The following CDH12 variants were observed in gnomAD, a reference collection of about 807,000 sequenced individuals.
CDH12 encodes the protein cadherin 12.
A neutral mutation model predicts 74.1 loss-of-function variants in CDH12; 41 were observed. The ratio of observed to expected loss-of-function variants is 0.55; its 90% CI spans 0.43 to 0.72. The LOEUF (loss-of-function observed/expected upper bound fraction) is 0.72, where lower values mean the gene tolerates loss of function less well. CDH12 is among the 30% of genes least tolerant of loss of function. CDH12 has a pLI of 0.00. For synonymous variants in CDH12, 399 were observed against 355.0 expected (o/e 1.12, Z -1.39); for missense variants, 945 against 977.2 (o/e 0.97, Z 0.44).
chr5:22,772,164 A>G (rs1293027154), intron 1 of CDH12, among the ~76,000 whole-genome samples: 2 of 152,052 alleles, frequency 1.3e-5, no homozygotes, highest in South Asian at 2.1e-4. Flanking sequence ...GAGAAATTCA[A>G]TTTGAAGAAA....
At chr5:22,481,790 T>C (rs958759414) in intron 2 of CDH12, among the ~76,000 whole-genome samples, 3 of 152,084 alleles carry the variant, frequency 2.0e-5, no homozygotes, top group African/African-American at 4.8e-5. Flanking sequence ...ACAGTGCCTA[T>C]AATCAACCAT....
Position 22,796,559 on chromosome 5 carries a change from G to A in CDH12, c.-523+56499C>T, listed in dbSNP as rs1374683047. Among the ~76,000 whole-genome samples the A allele has an allele frequency of 1.9e-5, 2 of 104,484 alleles. 1 individual carries two copies. The highest frequency in any genetic ancestry group is 8.1e-5 in the African/African-American group (2 of 24,560). The allele number at this position is 104,484 out of a possible 152,430, so 68.5% of individuals were successfully genotyped here. On this transcript the variant is annotated intron_variant, in intron 1 of 14. Transcript: ENST00000382254. ...TTTTGAGACGGAGTCTCGCTCTGTC[G>A]CCCAGGCTGGAGTGCAGTGGCGGGA...
At chr5:22,482,518 A>G in intron 2 of CDH12, among the ~76,000 whole-genome samples, 1 of 152,200 alleles carries the variant, frequency 6.6e-6, no homozygotes. Flanking sequence ...AAAACTTATC[A>G]TGTATATAAC....
intron 2 of CDH12, among the ~76,000 whole-genome samples, chr5:22,440,394 A>G (rs920343137): frequency 6.6e-6 from 1 of 152,154 alleles, no homozygotes; most frequent in Non-Finnish European, 1.5e-5. Context: ...AGAATTAATA[A>G]TAATAGCCAT....
At position 22,338,005 on chromosome 5, in the gene CDH12, C is replaced by T. The variant is rs1739667410; in HGVS notation, c.-333+67252G>A. Among the ~76,000 whole-genome samples, 5 of 152,154 alleles carry T rather than the reference C, an allele frequency of 3.3e-5. No individual in the cohort carries two copies. In the South Asian group the frequency reaches 1.0e-3, roughly 31 times the overall value. ...GTTAGTACAACCACTCTGCAGAACT[C>T]TTTGGAGCTTGTCAAAAAAATAAAA... On this transcript the variant is annotated intron_variant, in intron 3 of 14. Coordinates refer to ENST00000382254, the MANE Select transcript of CDH12 (RefSeq NM_004061.5).
intron 1 of CDH12, among the ~76,000 whole-genome samples, chr5:22,736,450 T>C (rs938992979): frequency 3.3e-5 from 5 of 151,856 alleles, no homozygotes; most frequent in African/African-American, 1.2e-4. Flanking sequence ...TTTGCTTTTT[T>C]TAAGATTCAA....
intron 3 of CDH12, among the ~76,000 whole-genome samples, chr5:22,344,161 G>A (rs1042621089): frequency 3.3e-5 from 5 of 152,170 alleles, no homozygotes; most frequent in African/African-American, 9.7e-5. Flanking sequence ...TGTCATAGGC[G>A]AAAATTGGGC....
chr5:21,796,479 ATCTT>A (rs1746788293), intron 10 of CDH12, among the ~76,000 whole-genome samples: 2 of 150,414 alleles, frequency 1.3e-5, no homozygotes, highest in South Asian at 4.1e-4. Context: ...TGTAAGATGA[ATCTT>A]TATGAGTCGG....
At chr5:22,372,821 T>G (rs893555527) in intron 3 of CDH12, among the ~76,000 whole-genome samples, 4 of 152,160 alleles carry the variant, frequency 2.6e-5, no homozygotes, top group East Asian at 1.9e-4. Flanking sequence ...AAACTGATAC[T>G]TCTGCTGCTG....
At chr5:22,390,956 C>G (rs555931935) in intron 3 of CDH12, among the ~76,000 whole-genome samples, 43 of 152,270 alleles carry the variant, frequency 2.8e-4, no homozygotes, top group African/African-American at 1.0e-3. Context: ...ATGAGACAGA[C>G]TGGCATTAGA....
At chr5:22,780,562 A>G (rs1374138085) in intron 1 of CDH12, among the ~76,000 whole-genome samples, 1 of 152,114 alleles carries the variant, frequency 6.6e-6, no homozygotes, top group Admixed American at 6.6e-5. Flanking sequence ...TAAAACCATC[A>G]GATCTTGTGA....
chr5:22,011,129 A>T lies in CDH12; in HGVS notation c.232-35744T>A, dbSNP rs1205900450. Among the ~76,000 whole-genome samples the T allele has an allele frequency of 2.6e-5, 4 of 152,074 alleles. No individual in the cohort carries two copies. In the East Asian group the frequency reaches 7.7e-4, roughly 29 times the overall value. ...ACATACTGCCACTCAGTACAGATGG[A>T]GAGGTTAGTGAAAATAAGCAGCATT... On this transcript the variant is annotated intron_variant, in intron 5 of 14. Coordinates refer to ENST00000382254, the MANE Select transcript of CDH12 (RefSeq NM_004061.5).
At chr5:21,985,024 C>G (rs1757456585) in intron 5 of CDH12, among the ~76,000 whole-genome samples, 1 of 151,910 alleles carries the variant, frequency 6.6e-6, no homozygotes, top group South Asian at 2.1e-4. Context: ...ATTCAATACC[C>G]CCACTTCTCT....
At chr5:22,053,946 TTTGA>T (rs1740565356) in intron 5 of CDH12, among the ~76,000 whole-genome samples, 1 of 152,154 alleles carries the variant, frequency 6.6e-6, no homozygotes, top group African/African-American at 2.4e-5. Context: ...GAAAATTATC[TTTGA>T]TTATTTCCTG....
At chr5:22,205,369 A>C (rs555220100) in intron 4 of CDH12, among the ~76,000 whole-genome samples, 1 of 152,298 alleles carries the variant, frequency 6.6e-6, no homozygotes, top group Non-Finnish European at 1.5e-5. Context: ...AATCAAATAA[A>C]TTTAAAAGAA....
intron 1 of CDH12, among the ~76,000 whole-genome samples, chr5:22,689,812 T>C (rs269006): frequency 6.6e-6 from 1 of 151,856 alleles, no homozygotes; most frequent in Non-Finnish European, 1.5e-5. Flanking sequence ...TAGAAATACA[T>C]TGTGATCTTG....
At chr5:22,548,306 T>C (rs1013148123) in intron 1 of CDH12, among the ~76,000 whole-genome samples, 3 of 152,164 alleles carry the variant, frequency 2.0e-5, no homozygotes, top group African/African-American at 7.2e-5. Context: ...ATGAAATAAA[T>C]GAAAGTGGAG....
chr5:21,778,207 C>T (rs537644619), intron 11 of CDH12, among the ~76,000 whole-genome samples: 20 of 152,056 alleles, frequency 1.3e-4, no homozygotes, highest in African/African-American at 3.1e-4. Flanking sequence ...GGTGTTGGTC[C>T]GAGCCTGGTC....
At chr5:22,227,161 A>T (rs1752221801) in intron 3 of CDH12, among the ~76,000 whole-genome samples, 1 of 152,096 alleles carries the variant, frequency 6.6e-6, no homozygotes, top group Non-Finnish European at 1.5e-5. Context: ...ATTGCATGAC[A>T]CTGGATCACG....
Sources: allele counts gnomAD v4.1 joint callset (sites outside exome capture counted in the v4.1 genomes callset), GRCh38; gene constraint gnomAD v4.1.1; transcripts MANE v1.5; gene names NCBI Gene and HGNC (gene_info 2026-07-23, HGNC 2026-07-21).